SAE1: variants seen among roughly 807,000 people sequenced by gnomAD.
The protein encoded by SAE1 is SUMO-activating enzyme subunit 1.
In SAE1, 11 loss-of-function variants were observed where a neutral mutation model predicts 40.6. That is an observed-to-expected ratio of 0.27 (90% confidence interval 0.17 to 0.45). SAE1 has a LOEUF of 0.45. Ranked by LOEUF, SAE1 falls within the 20% of genes least tolerant of loss-of-function variation. SAE1 has a pLI of 1.00. For missense variants in SAE1, 373 were observed against 427.3 expected (o/e 0.87, Z 1.12); for synonymous variants, 155 against 154.3 (o/e 1.00, Z -0.03).
intron 6 of SAE1, among the ~76,000 whole-genome samples, chr19:47,179,369 T>C (rs2058491670): frequency 6.6e-6 from 1 of 150,862 alleles, no homozygotes; most frequent in South Asian, 2.1e-4. Flanking sequence ...TAGCCAGACA[T>C]GGTGGCACAC....
At chr19:47,134,666 G>T (rs757563371) in intron 1 of SAE1, among the ~76,000 whole-genome samples, 4 of 152,140 alleles carry the variant, frequency 2.6e-5, no homozygotes, top group Non-Finnish European at 5.9e-5. Flanking sequence ...GAAGGGGTTT[G>T]CGGCAGCAGA....
intron 6 of SAE1, among the ~76,000 whole-genome samples, chr19:47,186,916 G>T (rs1336810689): frequency 6.6e-6 from 1 of 152,182 alleles, no homozygotes; most frequent in African/African-American, 2.4e-5. Flanking sequence ...AGAGGCTTAC[G>T]AGCCTGCCCT....
At chr19:47,166,717 A>G (rs928609567) in intron 5 of SAE1, among the ~76,000 whole-genome samples, 4 of 152,176 alleles carry the variant, frequency 2.6e-5, no homozygotes, top group African/African-American at 4.8e-5. Flanking sequence ...TTCCCAGACC[A>G]TATTGCAAAT....
chr19:47,182,508 C>T (rs576729337), intron 6 of SAE1, among the ~76,000 whole-genome samples: 31 of 146,718 alleles, frequency 2.1e-4, no homozygotes, highest in Admixed American at 5.4e-4. Flanking sequence ...CGCGCACGCA[C>T]GCGCGCGCGC....
At position 47,173,887 on chromosome 19, in the gene SAE1, C is replaced by T. The variant is rs544908343; in HGVS notation, c.733+3964C>T. Among the ~76,000 whole-genome samples the T allele has an allele frequency of 5.3e-5, 8 of 151,898 alleles. No individual in the cohort carries two copies. The South Asian group carries it at 1.2e-3, about 24-fold the overall frequency. On this transcript the variant is annotated intron_variant, in intron 6 of 8. Transcript: ENST00000270225. ...GCAAGCTCAGCCTCCTGGGTTCACG[C>T]CATTCTCCTGCCTCAGCCTCCCGAC...
In SAE1 at chr19:47,148,576, C is replaced by T. The variant is rs150548042; in HGVS notation, c.211-1626C>T. Among the ~76,000 whole-genome samples the T allele has an allele frequency of 3.9e-3, 587 of 151,408 alleles. 5 individuals carry two copies. Among genetic ancestry groups the T allele is most frequent in the African/African-American group, 0.014 (559 of 41,292 alleles). ...TTCAGCCTTAGGGGTGAAATAATTCCTCTGTTCCAGTCCCCACTCATCTCT... is the reference window on the plus strand; with the variant it reads ...TTCAGCCTTAGGGGTGAAATAATTCTTCTGTTCCAGTCCCCACTCATCTCT... On this transcript the variant is annotated intron_variant, in intron 2 of 8. Transcript: ENST00000270225.
At chr19:47,185,872 G>A (rs2058540796) in intron 6 of SAE1, among the ~76,000 whole-genome samples, 1 of 151,414 alleles carries the variant, frequency 6.6e-6, no homozygotes, top group South Asian at 2.1e-4. Context: ...AAAGTGCTGG[G>A]ATTACAGGCA....
rs1179587119 is a variant in SAE1 at position 47,209,294 on chromosome 19, C to T, written c.*43C>T. On this transcript the variant is annotated 3_prime_UTR_variant, in exon 9 of 9. Coordinates refer to ENST00000270225, the MANE Select transcript of SAE1 (RefSeq NM_005500.3). ...CCCAGAGATGCCAACTGCAGCATGC[C>T]CACCTGTATTCCCTGTCCCCTTCCT... 3 of 1,613,780 alleles carry T rather than the reference C, an allele frequency of 1.9e-6. No individual in the cohort carries two copies. Among genetic ancestry groups the T allele is most frequent in the Non-Finnish European group, 2.5e-6 (3 of 1,179,974 alleles).
chr19:47,141,494 G>A (rs536543474), intron 1 of SAE1, among the ~76,000 whole-genome samples: 1 of 152,244 alleles, frequency 6.6e-6, no homozygotes, highest in South Asian at 2.1e-4. Context: ...ATGTAGGAAT[G>A]TAGGTCGTGG....
At chr19:47,176,187 A>G (rs1484067335) in intron 6 of SAE1, among the ~76,000 whole-genome samples, 1 of 152,170 alleles carries the variant, frequency 6.6e-6, no homozygotes, top group East Asian at 1.9e-4. Flanking sequence ...CATACATACA[A>G]AAGTGGCCTC....
chr19:47,203,360 C>T (rs1479879464), intron 7 of SAE1, among the ~76,000 whole-genome samples: 3 of 152,182 alleles, frequency 2.0e-5, no homozygotes, highest in African/African-American at 7.2e-5. Flanking sequence ...GGCACTGAAA[C>T]ATCTGATATC....
chr19:47,142,068 C>T (rs903329305), intron 1 of SAE1, among the ~76,000 whole-genome samples: 1 of 152,108 alleles, frequency 6.6e-6, no homozygotes, highest in Non-Finnish European at 1.5e-5. Flanking sequence ...GCCTCATCTT[C>T]TGTCACTTTA....
chr19:47,157,119 C>A (rs572761831), intron 5 of SAE1, among the ~76,000 whole-genome samples: 1 of 152,192 alleles, frequency 6.6e-6, no homozygotes, highest in African/African-American at 2.4e-5. Flanking sequence ...TCAGACTCTC[C>A]AGCAAGGCGG....
chr19:47,184,923 C>T (rs1342902939), intron 6 of SAE1, among the ~76,000 whole-genome samples: 1 of 151,782 alleles, frequency 6.6e-6, no homozygotes, highest in Non-Finnish European at 1.5e-5. Flanking sequence ...CAAGTTCAAG[C>T]GATTCTCCTG....
At chr19:47,165,605 G>T (rs1027273033) in intron 5 of SAE1, among the ~76,000 whole-genome samples, 7 of 152,182 alleles carry the variant, frequency 4.6e-5, no homozygotes, top group African/African-American at 1.7e-4. Flanking sequence ...TGCCTCACCT[G>T]AAAGACTCCT....
intron 1 of SAE1, among the ~76,000 whole-genome samples, chr19:47,141,382 T>C (rs939642895): frequency 6.0e-5 from 9 of 149,614 alleles, no homozygotes; most frequent in Non-Finnish European, 1.0e-4. Context: ...CCTCAGGTGA[T>C]CCACCCATCT....
At chr19:47,171,253 G>A (rs1330717842) in intron 6 of SAE1, among the ~76,000 whole-genome samples, 2 of 151,874 alleles carry the variant, frequency 1.3e-5, no homozygotes, top group African/African-American at 2.4e-5. Context: ...GATTACAGGT[G>A]TGAGCCACCG....
At chr19:47,143,814 C>T (rs1261589937) in intron 2 of SAE1, among the ~76,000 whole-genome samples, 1 of 152,204 alleles carries the variant, frequency 6.6e-6, no homozygotes, top group Non-Finnish European at 1.5e-5. Context: ...TAGAGACTCA[C>T]ACCCCCTCAT....
intron 5 of SAE1, among the ~76,000 whole-genome samples, chr19:47,163,756 G>A (rs1486176596): frequency 6.6e-6 from 1 of 152,062 alleles, no homozygotes; most frequent in Non-Finnish European, 1.5e-5. Flanking sequence ...AAGTATATGG[G>A]AGGATGCACG....
Sources: allele counts gnomAD v4.1 joint callset (sites outside exome capture counted in the v4.1 genomes callset), GRCh38; gene constraint gnomAD v4.1.1; transcripts MANE v1.5; gene names NCBI Gene and HGNC (gene_info 2026-07-23, HGNC 2026-07-21).